Variants in RABEP1 observed in about 807,000 individuals in gnomAD.
The protein encoded by RABEP1 is rab GTPase-binding effector protein 1.
In RABEP1, 51 loss-of-function variants were observed where a neutral mutation model predicts 123.4. The ratio of observed to expected loss-of-function variants is 0.41; its 90% confidence interval spans 0.33 to 0.52. The LOEUF (loss-of-function observed/expected upper bound fraction) is 0.52, where lower values mean the gene tolerates loss of function less well. RABEP1 is among the 20% of genes least tolerant of loss of function. RABEP1 has a pLI of 0.16. For missense variants in RABEP1, 888 were observed against 996.3 expected, an observed-to-expected ratio of 0.89 and a Z score of 1.46; for synonymous variants, 347 against 355.2, an observed-to-expected ratio of 0.98 and a Z score of 0.26.
chr17:5,282,648 AGGCGGGGGCGCGCG>A, intron 1 of RABEP1, 128 bp downstream of exon 1: 2 of 552,368 alleles, frequency 3.6e-6, no homozygotes, highest in Non-Finnish European at 4.6e-6. Flanking sequence ...CGCCGGGCGG[AGGCGGGGGCGCGCG>A]GGCTGCGGCG....
At chr17:5,312,035 A>T (rs1416388325) in intron 2 of RABEP1, among the ~76,000 whole-genome samples, 1 of 152,194 alleles carries the variant, frequency 6.6e-6, no homozygotes, top group Non-Finnish European at 1.5e-5. Context: ...TCAGCTAACA[A>T]CTGAATTAGG....
intron 11 of RABEP1, 50 bp from the exon 12 acceptor site, chr17:5,368,320 C>T (rs1910251911): frequency 1.6e-6 from 2 of 1,288,346 alleles, no homozygotes; most frequent in African/African-American, 1.5e-5. Context: ...GAGTTAGTTT[C>T]AGAATAACCG....
rs889169613 is a variant in RABEP1, at chr17:5,350,374, C to T, written c.785-77C>T. ...CAGCCTGGGCGACAGAGCGAGACTC[C>T]ATCTCAAAAAAAAAAAGAAATTGCC... On this transcript the variant is annotated intron_variant, in intron 6 of 17. Coordinates refer to ENST00000537505, the MANE Select transcript of RABEP1 (RefSeq NM_004703.6). The T allele has an allele frequency of 4.7e-6, 7 of 1,476,520 alleles. No homozygotes were observed. The Admixed American group carries it at 1.1e-4, about 23-fold the overall frequency. The allele number at this position is 1,476,520 out of a possible 1,614,324, so 91.5% of individuals were successfully genotyped here.
chr17:5,286,819 G>A (rs2074983036), intron 1 of RABEP1, among the ~76,000 whole-genome samples: 1 of 152,192 alleles, frequency 6.6e-6, no homozygotes, highest in African/African-American at 2.4e-5. Flanking sequence ...GATACGGGTT[G>A]TTAGATGATA....
intron 1 of RABEP1, among the ~76,000 whole-genome samples, chr17:5,294,183 G>A (rs1396788317): frequency 6.6e-6 from 1 of 152,114 alleles, no homozygotes; most frequent in Non-Finnish European, 1.5e-5. Context: ...GAATCATGAG[G>A]TCAGGAGTTC....
chr17:5,354,384 A>T lies in RABEP1; in HGVS notation c.989A>T (p.Asn330Ile), dbSNP rs1172754321. The T allele has an allele frequency of 6.2e-7, 1 of 1,612,808 alleles. No homozygotes were observed. Among genetic ancestry groups the T allele is most frequent in the African/African-American group, 1.3e-5 (1 of 74,910 alleles). Reference sequence around the variant, plus strand: ...GAGGATGATGAACAACAAAGACTCAATAAGAGAAAGGATCACAAAAAAGCA... The same window carrying T: ...GAGGATGATGAACAACAAAGACTCATTAAGAGAAAGGATCACAAAAAAGCA... ...DQEDDEQQRLNKRKDHKKADV... is the reference protein window; with the variant it reads ...DQEDDEQQRLIKRKDHKKADV... Residue 330 changes from asparagine to isoleucine, a missense_variant, in exon 8 of 18, where the codon AAT becomes ATT. Transcript: ENST00000537505.
At chr17:5,308,556 C>T in intron 1 of RABEP1, 138 bp from the exon 2 acceptor site, 1 of 795,232 alleles carries the variant, frequency 1.3e-6, no homozygotes, top group Non-Finnish European at 1.9e-6. Context: ...TTAGAATATC[C>T]TAGCATATGG....
At chr17:5,308,892 G>A in intron 2 of RABEP1, 70 bp downstream of exon 2, 2 of 1,371,866 alleles carry the variant, frequency 1.5e-6, no homozygotes, top group South Asian at 3.1e-5. Flanking sequence ...CTTGGTAGTA[G>A]TGTTAATTTT....
At chr17:5,300,998 C>A (rs1358649926) in intron 1 of RABEP1, among the ~76,000 whole-genome samples, 2 of 152,152 alleles carry the variant, frequency 1.3e-5, no homozygotes, top group African/African-American at 2.4e-5. Flanking sequence ...TCACAAGTTT[C>A]CAGGTGATGG....
chr17:5,309,149 T>C (rs547355995), intron 2 of RABEP1, among the ~76,000 whole-genome samples: 1 of 152,348 alleles, frequency 6.6e-6, no homozygotes, highest in Non-Finnish European at 1.5e-5. Context: ...CAGCTTTAGC[T>C]ATGTTATCTT....
intron 1 of RABEP1, among the ~76,000 whole-genome samples, chr17:5,308,427 T>C (rs1236639483): frequency 1.3e-5 from 2 of 152,194 alleles, no homozygotes; most frequent in Non-Finnish European, 2.9e-5. Flanking sequence ...GATTTCTCCA[T>C]GTCGGCCAGG....
At position 5,354,394 on chromosome 17, in the gene RABEP1, G is replaced by A. The variant is rs1435455129; in HGVS notation, c.999G>A (p.Lys333=). 3.1e-6 allele frequency: 5 copies of A among 1,612,564 alleles called. No homozygotes were observed. The highest frequency in any genetic ancestry group is 1.3e-5 in the African/African-American group (1 of 74,854). ...DDEQQRLNKR[K]DHKKADVEEE... ...AACAACAAAGACTCAATAAGAGAAA[G>A]GATCACAAAAAAGCAGATGTTGAGG... The change falls in exon 8 of 18, where the codon AAG becomes AAA. Residue 333 remains lysine, a synonymous_variant. Transcript: ENST00000537505.
chr17:5,368,562 T>C (rs1910277929), intron 12 of RABEP1, 94 bp downstream of exon 12: 9 of 872,222 alleles, frequency 1.0e-5, no homozygotes, highest in South Asian at 9.3e-5. Context: ...TTTATCATCC[T>C]GTCCAAAGTA....
chr17:5,283,770 A>G (rs2074951416), intron 1 of RABEP1: 1 of 152,158 alleles, frequency 6.6e-6, no homozygotes, highest in Non-Finnish European at 1.5e-5. Context: ...TCTCTGGGAA[A>G]TGTGCTTCAG....
chr17:5,333,132 C>A (rs922167878), intron 3 of RABEP1, among the ~76,000 whole-genome samples: 1 of 152,034 alleles, frequency 6.6e-6, no homozygotes, highest in African/African-American at 2.4e-5. Context: ...GTCACTGAAT[C>A]TTTGAGTTCC....
intron 2 of RABEP1, among the ~76,000 whole-genome samples, chr17:5,317,626 G>GATATATAT (rs56165368): frequency 0.04 from 5,974 of 149,230 alleles, 129 homozygotes; most frequent in Middle Eastern, 0.073. Flanking sequence ...TACTGGAAAG[G>GATATATAT]ATATATATAT....
intron 1 of RABEP1, among the ~76,000 whole-genome samples, chr17:5,303,181 T>A (rs2075150880): frequency 6.6e-6 from 1 of 152,150 alleles, no homozygotes; most frequent in Non-Finnish European, 1.5e-5. Context: ...TGGTATTACT[T>A]CACTGAATGA....
At chr17:5,324,162 A>G (rs1905731155) in intron 2 of RABEP1, among the ~76,000 whole-genome samples, 1 of 152,122 alleles carries the variant, frequency 6.6e-6, no homozygotes, top group Non-Finnish European at 1.5e-5. Context: ...AGCTGGAGGA[A>G]TCACACTATA....
Position 5,286,851 on chromosome 17 carries a change from CAG to C in RABEP1, c.34+4334_34+4335del, listed in dbSNP as rs755369844. Among the ~76,000 whole-genome samples, 49 of 152,182 alleles carry C rather than the reference CAG, an allele frequency of 3.2e-4. 1 individual carries two copies. Among genetic ancestry groups the C allele is most frequent in the African/African-American group, 1.1e-3 (47 of 41,518 alleles). On this transcript the variant is annotated intron_variant, in intron 1 of 17. Coordinates refer to ENST00000537505, the MANE Select transcript of RABEP1 (RefSeq NM_004703.6). ...GATAAGTGCAATGGAAAAAAGAAAA[CAG>C]AGCAGGAGAAAGGGAAGGGGGTGGG...
Sources: gnomAD v4.1 joint callset for allele counts (sites outside exome capture counted in the v4.1 genomes callset) on GRCh38, gnomAD v4.1.1 for gene constraint, MANE v1.5 for transcripts, NCBI Gene and HGNC (gene_info 2026-07-23, HGNC 2026-07-21) for gene names.